The following RYR1 variants were observed in gnomAD, a reference collection of about 807,000 sequenced individuals.
The protein encoded by RYR1 is ryanodine receptor 1.
Under a neutral mutation model 583.5 loss-of-function variants are expected in RYR1, and 342 were observed. The observed-to-expected ratio is 0.59, with a 90% CI of 0.54 to 0.64. RYR1 has a LOEUF of 0.64. RYR1 is among the 30% of genes least tolerant of loss of function. RYR1 has a pLI of 0.00. For missense variants in RYR1, 6,032 were observed against 6,917.2 expected (o/e 0.87, Z 4.54); for synonymous variants, 2,791 against 2,822.5 (o/e 0.99, Z 0.35).
intron 2 of RYR1, among the ~76,000 whole-genome samples, chr19:38,441,839 C>G (rs1244159656): frequency 1.3e-5 from 2 of 151,728 alleles, no homozygotes; most frequent in African/African-American, 2.4e-5. Context: ...TAAGGTTGAG[C>G]GCCCTCCTGT....
chr19:38,504,195 G>A (rs765906484), intron 49 of RYR1, 25 bp from the exon 50 acceptor site: 99 of 1,599,756 alleles, frequency 6.2e-5, no homozygotes, highest in Non-Finnish European at 8.3e-5. Flanking sequence ...CCTCATTTGT[G>A]TGTCCCCCTC....
chr19:38,536,828 C>A, intron 83 of RYR1, 61 bp downstream of exon 83: 1 of 1,548,634 alleles, frequency 6.5e-7, no homozygotes, highest in East Asian at 2.2e-5. Context: ...TAACCCCGTC[C>A]ACCCCTCCAC....
chr19:38,485,863 C>T lies in RYR1; in HGVS notation c.5208C>T (p.Pro1736=), dbSNP rs747749981. The T allele has an allele frequency of 6.2e-7, 1 of 1,613,802 alleles. No homozygotes were observed. Among genetic ancestry groups the T allele is most frequent in the Admixed American group, 1.7e-5 (1 of 60,024 alleles). ...RRSMLSEYIV[P]LTPETRAITL... ...CCATGCTCTCTGAATACATCGTGCCCCTCACGCCTGAGACCCGCGCCATCA... is the reference window on the plus strand; with the variant it reads ...CCATGCTCTCTGAATACATCGTGCCTCTCACGCCTGAGACCCGCGCCATCA... Residue 1736 remains proline, a synonymous_variant, in exon 34 of 106, where the codon CCC becomes CCT. Transcript: ENST00000359596.
intron 89 of RYR1, among the ~76,000 whole-genome samples, chr19:38,554,417 C>T (rs1972795746): frequency 6.7e-6 from 1 of 148,644 alleles, no homozygotes; most frequent in African/African-American, 2.5e-5. Flanking sequence ...CGCCACTGCA[C>T]TCCTGCCTGG....
At chr19:38,470,950 G>A (rs1020493735) in intron 27 of RYR1, among the ~76,000 whole-genome samples, 3 of 152,168 alleles carry the variant, frequency 2.0e-5, no homozygotes, top group African/African-American at 7.2e-5. Flanking sequence ...ACTACCAGAT[G>A]TCCCCAACCC....
At chr19:38,510,415 C>G (rs1223493202) in intron 58 of RYR1, 83 bp from the exon 59 acceptor site, 2 of 1,395,718 alleles carry the variant, frequency 1.4e-6, no homozygotes, top group Non-Finnish European at 2.0e-6. Flanking sequence ...TTTCCCAACT[C>G]TGCTCCCAGC....
In RYR1 at chr19:38,565,969, G is replaced by T. The variant is rs533564653; in HGVS notation, c.13437+198G>T. Among the ~76,000 whole-genome samples, 2 of 152,058 alleles carry T rather than the reference G, an allele frequency of 1.3e-5. No homozygotes were observed. Among genetic ancestry groups the T allele is most frequent in the East Asian group, 3.9e-4 (2 of 5,174 alleles). On this transcript the variant is annotated intron_variant, in intron 91 of 105. Transcript: ENST00000359596. This position sits in a 1 kb window ranked among gnomAD's most constrained non-coding sequence, Gnocchi z 4.7. ...GCAAGAGAGACGCTCAGAGACAGAG[G>T]GATACTCAGACCCACAGAGAAAGAG...
chr19:38,492,371 AAAAAAAGGAAATG>A, intron 37 of RYR1, 106 bp from the exon 38 acceptor site: 3 of 1,186,260 alleles, frequency 2.5e-6, no homozygotes, highest in Non-Finnish European at 3.6e-6. Flanking sequence ...AAAAAAAAAA[AAAAAAAGGAAATG>A]AAAAACTCCA....
rs989135217 is a variant in RYR1, at chr19:38,506,642, T to C, written c.8692+96T>C. 2.6e-6 allele frequency: 4 copies of C among 1,514,920 alleles called. No individual in the cohort carries two copies. The Admixed American group carries it at 5.5e-5, about 21-fold the overall frequency. The allele number at this position is 1,514,920 out of a possible 1,614,324, so 93.8% of individuals were successfully genotyped here. A position where few individuals can be genotyped will look rare whatever the true frequency, so the allele number is the denominator to read the frequency against. Reference sequence around the variant, plus strand: ...GCCCCTGAAACTCGGTTTCTCCATCTGTAGATGGGAATAATAACAGCGTTT... The same window carrying C: ...GCCCCTGAAACTCGGTTTCTCCATCCGTAGATGGGAATAATAACAGCGTTT... On this transcript the variant is annotated intron_variant, in intron 56 of 105. Transcript: ENST00000359596.
intron 58 of RYR1, among the ~76,000 whole-genome samples, chr19:38,508,715 T>G (rs559125827): frequency 1.3e-5 from 2 of 152,138 alleles, no homozygotes; most frequent in South Asian, 4.2e-4. Context: ...AGCAGAGTCA[T>G]CGAGGGGGAC....
chr19:38,469,664 C>A, intron 27 of RYR1, 151 bp downstream of exon 27: 1 of 870,722 alleles, frequency 1.1e-6, no homozygotes, highest in Non-Finnish European at 1.9e-6. Context: ...GGCTGTATGA[C>A]TCCGGGTGTA....
In RYR1 at chr19:38,543,027, A is replaced by G. The variant is rs1252488723; in HGVS notation, c.11690-320A>G. Among the ~76,000 whole-genome samples, 1 of 151,162 alleles carries G rather than the reference A, an allele frequency of 6.6e-6. No homozygotes were observed. Among genetic ancestry groups the G allele is most frequent in the Admixed American group, 6.6e-5 (1 of 15,076 alleles). On this transcript the variant is annotated intron_variant, in intron 84 of 105. Coordinates refer to ENST00000359596, the MANE Select transcript of RYR1 (RefSeq NM_000540.3). The surrounding 1 kb of genome is among the most constrained non-coding windows in gnomAD (Gnocchi z 4.4). ...CAGCTAATTTTTGTATTTTTAGTAG[A>G]GACGGGGTTTCACCATGTTGGTCAG...
chr19:38,562,139 C>G (rs1973174125), intron 90 of RYR1, among the ~76,000 whole-genome samples: 1 of 152,088 alleles, frequency 6.6e-6, no homozygotes, highest in Admixed American at 6.6e-5. Context: ...CTTGCCCTCA[C>G]TGTAGCCCTG....
At chr19:38,522,997 C>G (rs1396871225) in intron 67 of RYR1, 31 bp from the exon 68 acceptor site, 3 of 1,543,150 alleles carry the variant, frequency 1.9e-6, no homozygotes, top group Admixed American at 1.9e-5. Flanking sequence ...GATCCCCACC[C>G]CCTCCCTCAC....
Position 38,477,683 on chromosome 19 carries a change from C to A in RYR1, c.4294-27C>A, listed in dbSNP as rs763630941. ...CCGAGTCCCTGACTTCCAGACTGAC[C>A]ACTAGTTCCCCTCCTTGTGTCACCA... On this transcript the variant is annotated intron_variant, in intron 29 of 105. Coordinates refer to ENST00000359596, the MANE Select transcript of RYR1 (RefSeq NM_000540.3). 5 of 1,613,982 alleles carry A rather than the reference C, an allele frequency of 3.1e-6. No homozygotes were observed. In the South Asian group the frequency reaches 5.5e-5, roughly 18 times the overall value.
intron 90 of RYR1, among the ~76,000 whole-genome samples, chr19:38,563,268 G>GTGT (rs760096888): frequency 6.6e-6 from 1 of 152,170 alleles, no homozygotes; most frequent in African/African-American, 2.4e-5. Flanking sequence ...TAACACTACG[G>GTGT]TGTTGTTGTT....
At chr19:38,456,890 C>CA (rs1051040659) in intron 16 of RYR1, among the ~76,000 whole-genome samples, 1 of 150,824 alleles carries the variant, frequency 6.6e-6, no homozygotes, top group Non-Finnish European at 1.5e-5. Context: ...ACTAAAAATA[C>CA]AAAAAATTAG....
intron 87 of RYR1, among the ~76,000 whole-genome samples, chr19:38,544,778 G>C (rs1320435613): frequency 6.6e-6 from 1 of 152,138 alleles, no homozygotes; most frequent in African/African-American, 2.4e-5. Flanking sequence ...GAGAGTGTTG[G>C]TATCATCATG....
rs527520723 is a variant in RYR1 at position 38,559,688 on chromosome 19, C to T, written c.12283-1425C>T. On this transcript the variant is annotated intron_variant, in intron 89 of 105. Transcript: ENST00000359596. The stretch of plus-strand genomic sequence containing the variant: ...CCTTCATGATTTGCAAAGCATGTTA[C>T]TCATTTAGAAAGCATTTTGCAAAGT... Among the ~76,000 whole-genome samples, 11 of 152,224 alleles carry T rather than the reference C, an allele frequency of 7.2e-5. No homozygotes were observed. The East Asian group carries it at 1.7e-3, about 24-fold the overall frequency.
Sources: allele counts gnomAD v4.1 joint callset (sites outside exome capture counted in the v4.1 genomes callset), GRCh38; gene constraint gnomAD v4.1.1; non-coding constraint Gnocchi (gnomAD v3.1); transcripts MANE v1.5; gene names NCBI Gene and HGNC (gene_info 2026-07-23, HGNC 2026-07-21).